EXOC2: variants seen among roughly 807,000 people sequenced by gnomAD.
EXOC2 encodes exocyst complex component 2, also known as SEC5-like 1.
Under a neutral mutation model 131.8 loss-of-function variants are expected in EXOC2, and 70 were observed. That is an observed-to-expected ratio of 0.53 (90% CI 0.44 to 0.65). The LOEUF (loss-of-function observed/expected upper bound fraction) is 0.65, where lower values mean the gene tolerates loss of function less well. Among genes scored for constraint, EXOC2 ranks in the 30% least tolerant of loss-of-function variants. The pLI is 0.00. For missense variants in EXOC2, 923 were observed against 1,108.6 expected (o/e 0.83, Z 2.38); for synonymous variants, 411 against 398.4 (o/e 1.03, Z -0.38).
intron 1 of EXOC2, among the ~76,000 whole-genome samples, chr6:664,614 G>C (rs1451648728): frequency 6.6e-6 from 1 of 152,162 alleles, no homozygotes; most frequent in Non-Finnish European, 1.5e-5. Context: ...GAAAAGAATA[G>C]AGAACCCAGA....
intron 16 of EXOC2, among the ~76,000 whole-genome samples, chr6:563,301 G>A (rs955296189): frequency 3.3e-5 from 5 of 152,118 alleles, no homozygotes; most frequent in Non-Finnish European, 7.3e-5. Context: ...TCAAACCTTC[G>A]GCCTTGGGGC....
intron 3 of EXOC2, among the ~76,000 whole-genome samples, chr6:630,493 G>A (rs181422790): frequency 5.3e-5 from 8 of 152,288 alleles, no homozygotes; most frequent in Admixed American, 1.3e-4. Context: ...GATAAATGCC[G>A]AAAAACCATT....
chr6:551,422 T>C (rs998072756), intron 21 of EXOC2, among the ~76,000 whole-genome samples: 1 of 152,196 alleles, frequency 6.6e-6, no homozygotes, highest in Non-Finnish European at 1.5e-5. Flanking sequence ...AAAAAAACAC[T>C]GGAGACTAAG....
Position 486,026 on chromosome 6 carries a change from G to A in EXOC2, c.*645C>T, listed in dbSNP as rs187372324. ...AGAGTGAGTGAGAATGAAAGCTCAT[G>A]CTTAGCCCTGTGAAAAATAAAAATC... On this transcript the variant is annotated 3_prime_UTR_variant, in exon 28 of 28. Coordinates refer to ENST00000230449, the MANE Select transcript of EXOC2 (RefSeq NM_018303.6). 3.9e-5 allele frequency: 6 copies of A among 152,376 alleles called. No homozygotes were observed. Among genetic ancestry groups the A allele is most frequent in the Non-Finnish European group, 7.3e-5 (5 of 68,056 alleles). The allele number at this position is 152,376 out of a possible 1,614,324, so 9.4% of individuals were successfully genotyped here.
At chr6:638,236 G>A (rs745990850) in intron 1 of EXOC2, among the ~76,000 whole-genome samples, 4 of 152,176 alleles carry the variant, frequency 2.6e-5, no homozygotes, top group Non-Finnish European at 4.4e-5. Flanking sequence ...GAGATATTCT[G>A]ATTAACTATA....
At chr6:601,309 A>G (rs537012152) in intron 7 of EXOC2, among the ~76,000 whole-genome samples, 24 of 33,864 alleles carry the variant, frequency 7.1e-4, no homozygotes, top group African/African-American at 3.1e-3. Flanking sequence ...TTCTCACACC[A>G]AGAACACCCC....
chr6:581,951 G>A (rs1758927998), intron 11 of EXOC2, among the ~76,000 whole-genome samples: 1 of 152,076 alleles, frequency 6.6e-6, no homozygotes, highest in Non-Finnish European at 1.5e-5. Context: ...AATACCTCTA[G>A]ACATTTTAAC....
chr6:533,559 A>G (rs1766235964), intron 22 of EXOC2, among the ~76,000 whole-genome samples: 2 of 152,158 alleles, frequency 1.3e-5, no homozygotes, highest in South Asian at 2.1e-4. Flanking sequence ...GACCCCTATC[A>G]GTAAGTCCTG....
intron 11 of EXOC2, among the ~76,000 whole-genome samples, chr6:589,995 G>C (rs867649259): frequency 1.3e-5 from 2 of 152,112 alleles, no homozygotes; most frequent in Non-Finnish European, 2.9e-5. Flanking sequence ...GGCGCCTGTA[G>C]TCCCAGCTAC....
chr6:592,906 T>A (rs1053264456), intron 10 of EXOC2, among the ~76,000 whole-genome samples: 3 of 152,182 alleles, frequency 2.0e-5, no homozygotes, highest in Admixed American at 2.0e-4. Context: ...GGTGCAAGCC[T>A]GTAATCTCAG....
intron 6 of EXOC2, among the ~76,000 whole-genome samples, chr6:612,240 A>T (rs934227105): frequency 6.6e-6 from 1 of 152,212 alleles, no homozygotes; most frequent in African/African-American, 2.4e-5. Context: ...CCTCTATCAC[A>T]TATTCTTCTT....
chr6:491,637 A>G (rs1763441634), intron 25 of EXOC2, among the ~76,000 whole-genome samples: 1 of 152,256 alleles, frequency 6.6e-6, no homozygotes, highest in Non-Finnish European at 1.5e-5. Flanking sequence ...CTTAATCTCA[A>G]AACCTAAACT....
Position 637,194 on chromosome 6 carries a change from G to A in EXOC2, c.118+507C>T, listed in dbSNP as rs1267658115. Among the ~76,000 whole-genome samples the A allele has an allele frequency of 2.6e-5, 4 of 152,252 alleles. No homozygotes were observed. In the South Asian group the frequency reaches 6.2e-4, roughly 24 times the overall value. The stretch of plus-strand genomic sequence containing the variant: ...GCCCCTAAAAACTAAACTTTGGCTC[G>A]CTCCAGATAGGATCCACAGATCACG... On this transcript the variant is annotated intron_variant, in intron 2 of 27. Coordinates refer to ENST00000230449, the MANE Select transcript of EXOC2 (RefSeq NM_018303.6).
intron 13 of EXOC2, among the ~76,000 whole-genome samples, chr6:570,860 C>T (rs911569476): frequency 1.1e-4 from 17 of 152,206 alleles, no homozygotes; most frequent in African/African-American, 2.4e-4. Context: ...CCTGCCCACA[C>T]GAACAATTTG....
chr6:595,630 TA>T (rs1213658731), intron 10 of EXOC2, among the ~76,000 whole-genome samples: 1 of 152,084 alleles, frequency 6.6e-6, no homozygotes, highest in African/African-American at 2.4e-5. Flanking sequence ...GTTATCCATA[TA>T]GATGGTAACC....
At chr6:575,456 A>ACTCCTTCTCCATCCTCTCCCTCG (rs1758523676) in intron 12 of EXOC2, among the ~76,000 whole-genome samples, 5 of 97,598 alleles carry the variant, frequency 5.1e-5, no homozygotes, top group Non-Finnish European at 1.2e-4. Context: ...CCTCTCCCTC[A>ACTCCTTCTCCATCCTCTCCCTCG]CTCCCTCTCC....
chr6:624,968 C>T (rs568272597), intron 4 of EXOC2, among the ~76,000 whole-genome samples: 1 of 152,340 alleles, frequency 6.6e-6, no homozygotes, highest in South Asian at 2.1e-4. Flanking sequence ...AGAGTTAGGA[C>T]TGAAAGTGAC....
In EXOC2 at chr6:538,215, G is replaced by A. The variant is rs376352504; in HGVS notation, c.2239-5605C>T. The stretch of plus-strand genomic sequence containing the variant: ...CACAGCTCATACTTTTTGTTGTAAG[G>A]ATTTAAACAGATAATTCAGGAAACT... On this transcript the variant is annotated intron_variant, in intron 22 of 27. Transcript: ENST00000230449. 2.6e-5 allele frequency among the ~76,000 whole-genome samples: 4 copies of A among 152,190 alleles called. No homozygotes were observed. In the East Asian group the frequency reaches 5.8e-4, roughly 22 times the overall value.
At chr6:491,238 T>G (rs768942100) in intron 25 of EXOC2, 52 bp from the exon 26 acceptor site, 1 of 1,582,710 alleles carries the variant, frequency 6.3e-7, no homozygotes, top group South Asian at 1.1e-5. Context: ...TATTATCAAA[T>G]ATAAACAAGT....
Sources: allele counts gnomAD v4.1 joint callset (sites outside exome capture counted in the v4.1 genomes callset), GRCh38; gene constraint gnomAD v4.1.1; transcripts MANE v1.5; gene names NCBI Gene and HGNC (gene_info 2026-07-23, HGNC 2026-07-21).